SPEN: variants seen among roughly 807,000 people sequenced by gnomAD.
The protein encoded by SPEN is msx2-interacting protein.
In SPEN, 18 loss-of-function variants were observed where a neutral mutation model predicts 269.9. The observed-to-expected ratio is 0.07, with a 90% CI of 0.05 to 0.10. The LOEUF is 0.10. Among genes scored for constraint, SPEN ranks in the 10% least tolerant of loss-of-function variants. The probability of loss-of-function intolerance (pLI) is 1.00; values close to 1 mark genes in which losing one functional copy is unlikely to be tolerated. For missense variants in SPEN, 3,822 were observed against 4,631.2 expected (o/e 0.83, Z 5.07); for synonymous variants, 1,726 against 1,765.7 (o/e 0.98, Z 0.56).
At chr1:15,912,277 C>T (rs1016455332) in intron 5 of SPEN, among the ~76,000 whole-genome samples, 3 of 152,228 alleles carry the variant, frequency 2.0e-5, no homozygotes, top group Non-Finnish European at 4.4e-5. Context: ...CTCTTTAACC[C>T]TGCCCCAGCT....
At chr1:15,936,630 G>A (rs1389070262) in intron 11 of SPEN, among the ~76,000 whole-genome samples, 3 of 140,430 alleles carry the variant, frequency 2.1e-5, no homozygotes, top group Non-Finnish European at 4.6e-5. Flanking sequence ...GTGACAGAGC[G>A]AGACCCAGTC....
intron 3 of SPEN, among the ~76,000 whole-genome samples, chr1:15,887,276 A>ATT (rs34435171): frequency 0.36 from 29,689 of 82,204 alleles, 6,841 homozygotes; most frequent in South Asian, 0.44. Flanking sequence ...CCTGGCCTGA[A>ATT]TTTTTTTTTT....
rs370972899 is a variant in SPEN, at chr1:15,855,990, C to CCTTTTTTTTTTTTTTTTTTTT, written c.83+7840_83+7841insCTTTTTTTTTTTTTTTTTTTT. ...TTATTGTGTGAAAAGGATGCTAGAA[C>CCTTTTTTTTTTTTTTTTTTTT]TTTTTTTTTTTTTTTTTTTTGAGAC... On this transcript the variant is annotated intron_variant, in intron 1 of 14. Transcript: ENST00000375759. Among the ~76,000 whole-genome samples the CCTTTTTTTTTTTTTTTTTTTT allele has an allele frequency of 1.1e-4, 3 of 28,220 alleles. 1 individual carries two copies. Among genetic ancestry groups the CCTTTTTTTTTTTTTTTTTTTT allele is most frequent in the Non-Finnish European group, 2.4e-4 (3 of 12,684 alleles). The allele number at this position is 28,220 out of a possible 152,430, so 18.5% of individuals were successfully genotyped here.
At chr1:15,936,642 C>CAAAAA (rs60059470) in intron 11 of SPEN, among the ~76,000 whole-genome samples, 21 of 123,786 alleles carry the variant, frequency 1.7e-4, no homozygotes, top group Admixed American at 7.6e-4. Flanking sequence ...GACCCAGTCT[C>CAAAAA]AAAAAAAAAA....
intron 1 of SPEN, among the ~76,000 whole-genome samples, chr1:15,868,847 A>G (rs1415383301): frequency 6.6e-6 from 1 of 152,220 alleles, no homozygotes; most frequent in Non-Finnish European, 1.5e-5. Context: ...ATTTTAACTG[A>G]CATGAGGTAT....
chr1:15,876,249 A>C lies in SPEN; in HGVS notation c.452A>C (p.His151Pro). ...ERAYEHSAYG[H>P]HERGTGGFDR... ...GCTTATGAACATAGTGCCTATGGACACCATGAACGGGGGACGGGAGGATTT... is the reference window on the plus strand; with the variant it reads ...GCTTATGAACATAGTGCCTATGGACCCCATGAACGGGGGACGGGAGGATTT... Residue 151 changes from histidine (H) to proline (P), a missense_variant, in exon 3 of 15, where the codon CAC becomes CCC. By Grantham distance (77) the His-to-Pro change is moderately conservative. Transcript: ENST00000375759. The C allele has an allele frequency of 1.2e-6, 2 of 1,614,148 alleles. No individual in the cohort carries two copies. The highest frequency in any genetic ancestry group is 1.7e-6 in the Non-Finnish European group (2 of 1,180,034).
chr1:15,932,768 A>G lies in SPEN; in HGVS notation c.6528A>G (p.Glu2176=). The G allele has an allele frequency of 6.2e-7, 1 of 1,614,184 alleles. No homozygotes were observed. The highest frequency in any genetic ancestry group is 8.5e-7 in the Non-Finnish European group (1 of 1,180,024). The change falls in exon 11 of 15, where the codon GAA becomes GAG. Residue 2176 remains glutamate (E), a synonymous_variant. Transcript: ENST00000375759. The surrounding 1 kb of genome is among the most constrained non-coding windows in gnomAD (Gnocchi z 4.2). ...AGATGGAGCTGGAGCAGGCCGTGGA[A>G]CACATCGCAAAGCTCGCTGAGGCCT... is the stretch of plus-strand genomic sequence containing the variant. ...AKQMELEQAV[E]HIAKLAEASA...
At chr1:15,870,061 G>A (rs1371208088) in intron 1 of SPEN, among the ~76,000 whole-genome samples, 1 of 151,984 alleles carries the variant, frequency 6.6e-6, no homozygotes, top group Non-Finnish European at 1.5e-5. Context: ...TAGAGACGGG[G>A]TTTCACCATG....
At chr1:15,849,470 C>T (rs2070311250) in intron 1 of SPEN, among the ~76,000 whole-genome samples, 1 of 152,230 alleles carries the variant, frequency 6.6e-6, no homozygotes, top group South Asian at 2.1e-4. Flanking sequence ...CTGGAGCGCG[C>T]GTCTGCGCGT....
rs760669828 is a variant in SPEN, at chr1:15,932,790, G to T, written c.6550G>T (p.Ala2184Ser). The T allele has an allele frequency of 3.7e-6, 6 of 1,614,082 alleles. No homozygotes were observed. The highest frequency in any genetic ancestry group is 1.7e-5 in the Admixed American group (1 of 60,006). ...GGAACACATCGCAAAGCTCGCTGAGGCCTCTGCCTCTGCTGCCTATAAGGC... is the reference window on the plus strand; with the variant it reads ...GGAACACATCGCAAAGCTCGCTGAGTCCTCTGCCTCTGCTGCCTATAAGGC... Reference protein sequence around the residue: ...AVEHIAKLAEASASAAYKADA... With the variant: ...AVEHIAKLAESSASAAYKADA... Residue 2184 changes from alanine to serine, a missense_variant, in exon 11 of 15, where the codon GCC becomes TCC. Ala to Ser is a moderately conservative substitution (Grantham distance 99). This residue lies in a region of SPEN where 727 missense variants were observed against 737.9 expected (regional missense o/e 0.99). Coordinates refer to ENST00000375759, the MANE Select transcript of SPEN (RefSeq NM_015001.3). This position sits in a 1 kb window ranked among gnomAD's most constrained non-coding sequence, Gnocchi z 4.2.
intron 1 of SPEN, among the ~76,000 whole-genome samples, chr1:15,872,267 A>G (rs1341110195): frequency 1.3e-5 from 2 of 148,168 alleles, no homozygotes; most frequent in East Asian, 2.0e-4. Flanking sequence ...TAAGGGTTCT[A>G]GAAAGGTGAA....
intron 3 of SPEN, among the ~76,000 whole-genome samples, chr1:15,895,797 A>G (rs868461986): frequency 6.7e-6 from 1 of 149,256 alleles, no homozygotes; most frequent in African/African-American, 2.5e-5. Flanking sequence ...TCTCCCACTC[A>G]GTCTCCTGAG....
intron 7 of SPEN, 63 bp downstream of exon 7, chr1:15,919,114 G>A: frequency 1.3e-6 from 2 of 1,502,524 alleles, no homozygotes; most frequent in South Asian, 1.2e-5. Context: ...AGACTTGAAG[G>A]GTTTTTTTTT....
At chr1:15,881,975 G>A (rs116312983) in intron 3 of SPEN, among the ~76,000 whole-genome samples, 23 of 152,288 alleles carry the variant, frequency 1.5e-4, no homozygotes, top group African/African-American at 5.5e-4. Context: ...CATGACTGAT[G>A]GGGAAATTAA....
chr1:15,849,322 G>C (rs924049422), intron 1 of SPEN, among the ~76,000 whole-genome samples: 1 of 152,218 alleles, frequency 6.6e-6, no homozygotes, highest in African/African-American at 2.4e-5. Context: ...GTCACCATGG[G>C]AAAAATAGAT....
intron 2 of SPEN, among the ~76,000 whole-genome samples, chr1:15,874,771 A>G (rs1190107459): frequency 6.6e-6 from 1 of 152,230 alleles, no homozygotes; most frequent in Non-Finnish European, 1.5e-5. Context: ...TCAGAACTGT[A>G]GTAAATAAAA....
chr1:15,880,000 T>C (rs1011882143), intron 3 of SPEN, among the ~76,000 whole-genome samples: 11 of 152,120 alleles, frequency 7.2e-5, no homozygotes, highest in African/African-American at 2.7e-4. Context: ...CCTTGTATAG[T>C]GTTTTAAATT....
intron 1 of SPEN, among the ~76,000 whole-genome samples, chr1:15,871,271 A>G (rs562084181): frequency 1.3e-5 from 2 of 152,254 alleles, no homozygotes; most frequent in African/African-American, 4.8e-5. Flanking sequence ...CCTGGCCTCA[A>G]CAGTGCCTTT....
intron 3 of SPEN, among the ~76,000 whole-genome samples, chr1:15,896,424 G>A (rs529485356): frequency 1.9e-3 from 291 of 151,922 alleles, no homozygotes; most frequent in African/African-American, 6.8e-3. Flanking sequence ...TCAAACTCCT[G>A]ACCTCAGGTT....
Sources: allele counts gnomAD v4.1 joint callset (sites outside exome capture counted in the v4.1 genomes callset), GRCh38; gene constraint gnomAD v4.1.1; regional missense constraint gnomAD v4.1.1; non-coding constraint Gnocchi (gnomAD v3.1); transcripts MANE v1.5; gene names NCBI Gene and HGNC (gene_info 2026-07-23, HGNC 2026-07-21).